XRCC2: variants seen among roughly 807,000 people sequenced by gnomAD.
XRCC2 encodes DNA repair protein XRCC2.
In XRCC2, 24 loss-of-function variants were observed where a neutral mutation model predicts 27.3. The observed-to-expected ratio is 0.88, with a 90% CI of 0.64 to 1.24. The LOEUF is 1.24. Among genes scored for constraint, XRCC2 ranks in the 50% most tolerant of loss-of-function variants. The pLI is 0.00. For missense variants in XRCC2, 321 were observed against 325.8 expected, an observed-to-expected ratio of 0.99 and a Z score of 0.11; for synonymous variants, 106 against 115.4, an observed-to-expected ratio of 0.92 and a Z score of 0.52.
intron 1 of XRCC2, among the ~76,000 whole-genome samples, chr7:152,663,356 A>T (rs1590135365): frequency 1.0e-5 from 1 of 100,448 alleles, no homozygotes; most frequent in East Asian, 2.7e-4. Flanking sequence ...TAAAAAAAAA[A>T]AAAAAAAAAA....
At chr7:152,663,346 TAAAAAAAAAAAAAA>T (rs530664762) in intron 1 of XRCC2, among the ~76,000 whole-genome samples, 52 of 80,894 alleles carry the variant, frequency 6.4e-4, no homozygotes, top group Non-Finnish European at 7.4e-4. Context: ...GTCTTTGAAG[TAAAAAAAAAAAAAA>T]AAAAAAAAAA....
intron 1 of XRCC2, among the ~76,000 whole-genome samples, chr7:152,672,217 T>C (rs3218402): frequency 0.016 from 2,511 of 152,218 alleles, 43 homozygotes; most frequent in South Asian, 0.068. Context: ...GGAATAATTA[T>C]AATGAAGGAA....
At chr7:152,657,400 A>G (rs987688537) in intron 2 of XRCC2, among the ~76,000 whole-genome samples, 2 of 151,770 alleles carry the variant, frequency 1.3e-5, no homozygotes, top group African/African-American at 4.8e-5. Context: ...CCCAGGTCCA[A>G]GCAATTCTCC....
intron 2 of XRCC2, among the ~76,000 whole-genome samples, chr7:152,658,304 C>A (rs2098031601): frequency 6.6e-6 from 1 of 152,120 alleles, no homozygotes; most frequent in African/African-American, 2.4e-5. Context: ...GCGCCTGCCA[C>A]CACGCCTGGC....
chr7:152,660,859 C>CT, intron 1 of XRCC2, 77 bp from the exon 2 acceptor site: 1 of 1,280,608 alleles, frequency 7.8e-7, no homozygotes, highest in Non-Finnish European at 1.1e-6. Context: ...TACCATTTTC[C>CT]GAAAGTCTGT....
chr7:152,659,505 C>T (rs925025850), intron 2 of XRCC2, among the ~76,000 whole-genome samples: 8 of 152,100 alleles, frequency 5.3e-5, no homozygotes, highest in African/African-American at 1.4e-4. Context: ...AAGGATCTGA[C>T]GTTTCTTCAA....
At chr7:152,649,408 G>A in intron 2 of XRCC2, 45 bp from the exon 3 acceptor site, 1 of 1,507,878 alleles carries the variant, frequency 6.6e-7, no homozygotes, top group South Asian at 1.4e-5. Flanking sequence ...GTAGCTCAAG[G>A]GTAGGTTACA....
At chr7:152,670,439 C>T (rs1308816750) in intron 1 of XRCC2, among the ~76,000 whole-genome samples, 2 of 152,124 alleles carry the variant, frequency 1.3e-5, no homozygotes, top group Non-Finnish European at 2.9e-5. Context: ...GTGTAAAGAA[C>T]CTCCAACTAT....
At chr7:152,660,862 A>G in intron 1 of XRCC2, 80 bp from the exon 2 acceptor site, 1 of 1,241,390 alleles carries the variant, frequency 8.1e-7, no homozygotes, top group Non-Finnish European at 1.1e-6. Flanking sequence ...CATTTTCCGA[A>G]AGTCTGTAAG....
intron 2 of XRCC2, among the ~76,000 whole-genome samples, chr7:152,659,677 G>C (rs1017600739): frequency 3.3e-5 from 5 of 152,160 alleles, no homozygotes; most frequent in African/African-American, 9.7e-5. Context: ...TATGGGAATT[G>C]CTGGCAATGC....
intron 1 of XRCC2, among the ~76,000 whole-genome samples, chr7:152,674,736 TATA>T (rs2098039904): frequency 1.5e-5 from 1 of 67,592 alleles, no homozygotes; most frequent in African/African-American, 8.6e-5. Flanking sequence ...ATATATTATA[TATA>T]AATATATTTT....
At chr7:152,668,894 G>T (rs1226046903) in intron 1 of XRCC2, among the ~76,000 whole-genome samples, 1 of 152,026 alleles carries the variant, frequency 6.6e-6, no homozygotes, top group Non-Finnish European at 1.5e-5. Flanking sequence ...TCCTTTAATT[G>T]TTACATCAAC....
intron 2 of XRCC2, among the ~76,000 whole-genome samples, 196 bp from the exon 3 acceptor site, chr7:152,649,559 G>C (rs2098027638): frequency 6.6e-6 from 1 of 152,154 alleles, no homozygotes; most frequent in African/African-American, 2.4e-5. Context: ...GGTTGGAAGA[G>C]GCTAGGGGAC....
intron 2 of XRCC2, among the ~76,000 whole-genome samples, chr7:152,654,197 CA>C (rs11411109): frequency 7.4e-4 from 68 of 92,172 alleles, no homozygotes; most frequent in East Asian, 2.1e-3. Flanking sequence ...AACTCCATCT[CA>C]AAAAAAAAAA....
rs1451297379 is a variant in XRCC2 at position 152,646,937 on chromosome 7, A to C, written c.*1705T>G. On this transcript the variant is annotated 3_prime_UTR_variant, in exon 3 of 3. Transcript: ENST00000359321. The stretch of plus-strand genomic sequence containing the variant: ...TCCTTTGGGTATATACCCAGTAATG[A>C]GATTGCTGGGTTGAATGGTATCTCT... 6.6e-6 allele frequency: 1 copy of C among 152,164 alleles called. No homozygotes were observed. The highest frequency in any genetic ancestry group is 6.5e-5 in the Admixed American group (1 of 15,272). 9.4% of individuals were successfully genotyped at this position (152,164 alleles called of 1,614,324 possible).
intron 1 of XRCC2, among the ~76,000 whole-genome samples, chr7:152,673,239 G>A (rs1372816297): frequency 6.6e-6 from 1 of 152,070 alleles, no homozygotes; most frequent in Non-Finnish European, 1.5e-5. Flanking sequence ...CTGGAGTGCA[G>A]TGGCGTGATG....
chr7:152,648,909 A>G lies in XRCC2; in HGVS notation c.576T>C (p.Phe192=), dbSNP rs763957759. ...KLVNDYRLVL[F]ATTQTIMQKA... is the part of the protein sequence containing the mutation. Reference sequence around the variant, plus strand: ...TCTGCATTATAGTTTGTGTCGTTGCAAAAAGAACCAGGCGATAGTCATTTA... The same window carrying G: ...TCTGCATTATAGTTTGTGTCGTTGCGAAAAGAACCAGGCGATAGTCATTTA... The change falls in exon 3 of 3, where the codon TTT becomes TTC. Residue 192 remains phenylalanine, a synonymous_variant. Coordinates refer to ENST00000359321, the MANE Select transcript of XRCC2 (RefSeq NM_005431.2). 6.2e-7 allele frequency: 1 copy of G among 1,614,166 alleles called. No homozygotes were observed. Among genetic ancestry groups the G allele is most frequent in the African/African-American group, 1.3e-5 (1 of 75,046 alleles).
At chr7:152,671,684 T>C (rs529448170) in intron 1 of XRCC2, among the ~76,000 whole-genome samples, 4 of 152,266 alleles carry the variant, frequency 2.6e-5, no homozygotes, top group South Asian at 2.1e-4. Context: ...TGTTTTGTAG[T>C]GAGAAAGTGA....
At chr7:152,670,026 A>G (rs1368749658) in intron 1 of XRCC2, among the ~76,000 whole-genome samples, 1 of 152,146 alleles carries the variant, frequency 6.6e-6, no homozygotes, top group East Asian at 1.9e-4. Flanking sequence ...GAGTTGGCCA[A>G]TTCTAATCTG....
Sources: gnomAD v4.1 joint callset for allele counts (sites outside exome capture counted in the v4.1 genomes callset) on GRCh38, gnomAD v4.1.1 for gene constraint, MANE v1.5 for transcripts, NCBI Gene and HGNC (gene_info 2026-07-23, HGNC 2026-07-21) for gene names.